SIPA1L3: variants seen among roughly 807,000 people sequenced by gnomAD.
SIPA1L3 encodes signal induced proliferation associated 1 like 3, also known as signal-induced proliferation-associated 1-like protein 3.
SIPA1L3 carries 59 observed loss-of-function variants against 150.1 expected under a neutral mutation model. The observed-to-expected ratio is 0.39, with a 90% CI of 0.32 to 0.49. The LOEUF is 0.49. SIPA1L3 is among the 20% of genes least tolerant of loss of function. SIPA1L3 has a pLI of 0.86. For missense variants in SIPA1L3, 2,211 were observed against 2,489.5 expected, an observed-to-expected ratio of 0.89 and a Z score of 2.38; for synonymous variants, 1,070 against 1,077.6, an observed-to-expected ratio of 0.99 and a Z score of 0.14.
Position 38,110,225 on chromosome 19 carries a change from A to T in SIPA1L3, c.2134-2A>T, listed in dbSNP as rs1970707370. On this transcript the variant is annotated splice_acceptor_variant, in intron 7 of 21. Transcript: ENST00000222345. LOFTEE classifies it high-confidence loss of function. ...CTGTCCCCCTCTGTTGCCCTTTCCC[A>T]GCTGCTACGGAAGAGGCACATAGGA... is the stretch of plus-strand genomic sequence containing the variant. 1 of 1,613,828 alleles carries T rather than the reference A, an allele frequency of 6.2e-7. No homozygotes were observed. Among genetic ancestry groups the T allele is most frequent in the Non-Finnish European group, 8.5e-7 (1 of 1,179,838 alleles).
At chr19:38,086,514 C>T (rs1448401602) in intron 3 of SIPA1L3, among the ~76,000 whole-genome samples, 1 of 151,940 alleles carries the variant, frequency 6.6e-6, no homozygotes. Context: ...ATAGTGAGAC[C>T]TCAAAAAAAG....
chr19:38,027,071 C>T (rs576502222), intron 1 of SIPA1L3, among the ~76,000 whole-genome samples: 5 of 152,240 alleles, frequency 3.3e-5, no homozygotes, highest in South Asian at 2.1e-4. Context: ...GTGGGCGGAT[C>T]GCTTGAGGCC....
chr19:38,150,473 C>T (rs1292807184), intron 12 of SIPA1L3, among the ~76,000 whole-genome samples: 1 of 151,988 alleles, frequency 6.6e-6, no homozygotes. Flanking sequence ...CTACCAGATC[C>T]TCCCAAGTTG....
At chr19:38,026,641 T>C (rs1294343259) in intron 1 of SIPA1L3, among the ~76,000 whole-genome samples, 1 of 152,142 alleles carries the variant, frequency 6.6e-6, no homozygotes, top group African/African-American at 2.4e-5. Flanking sequence ...CACTCCCCAG[T>C]TGTTCTTTTC....
At chr19:38,203,189 A>G (rs927142309) in intron 20 of SIPA1L3, among the ~76,000 whole-genome samples, 3 of 152,172 alleles carry the variant, frequency 2.0e-5, no homozygotes, top group Admixed American at 2.0e-4. Flanking sequence ...ACAAGAAATC[A>G]GCAGTTCCAG....
rs975083424 is a variant in SIPA1L3, at chr19:38,164,742, C to A, written c.4044C>A (p.Arg1348=). ...PGSMGLCGGG[R]EAAGRSHHAD... Reference sequence around the variant, plus strand: ...GTATGGGCCTTTGTGGCGGGGGTCGCGAGGCCGCTGGGAGGTCCCACCACG... The same window carrying A: ...GTATGGGCCTTTGTGGCGGGGGTCGAGAGGCCGCTGGGAGGTCCCACCACG... Residue 1348 remains arginine (R), a synonymous_variant, in exon 15 of 22, where the codon CGC becomes CGA. Transcript: ENST00000222345. The surrounding 1 kb of genome is among the most constrained non-coding windows in gnomAD (Gnocchi z 4.1). 1.2e-6 allele frequency: 2 copies of A among 1,612,880 alleles called. No homozygotes were observed. The highest frequency in any genetic ancestry group is 1.7e-4 in the Middle Eastern group (1 of 6,054).
intron 1 of SIPA1L3, among the ~76,000 whole-genome samples, chr19:37,925,168 C>G (rs2046491866): frequency 6.6e-6 from 1 of 152,124 alleles, no homozygotes; most frequent in Non-Finnish European, 1.5e-5. Context: ...GTGAATAATG[C>G]ATGGCTCTCC....
At chr19:37,935,914 TCTATCCTGG>T (rs747883711) in intron 1 of SIPA1L3, among the ~76,000 whole-genome samples, 8 of 152,156 alleles carry the variant, frequency 5.3e-5, no homozygotes, top group Non-Finnish European at 7.3e-5. Context: ...TGGGCACCTT[TCTATCCTGG>T]CTACCATGGG....
At chr19:37,935,955 G>A (rs997585660) in intron 1 of SIPA1L3, among the ~76,000 whole-genome samples, 7 of 152,122 alleles carry the variant, frequency 4.6e-5, no homozygotes, top group Non-Finnish European at 8.8e-5. Flanking sequence ...CATGTAAGAA[G>A]TGCAGAGCTC....
At chr19:38,005,111 C>A (rs1967909132) in intron 1 of SIPA1L3, among the ~76,000 whole-genome samples, 1 of 151,290 alleles carries the variant, frequency 6.6e-6, no homozygotes, top group Non-Finnish European at 1.5e-5. Flanking sequence ...CCCGGCCAAT[C>A]AGCTACAGGC....
chr19:38,184,336 G>A (rs976890858), intron 16 of SIPA1L3: 1 of 152,200 alleles, frequency 6.6e-6, no homozygotes, highest in Non-Finnish European at 1.5e-5. Context: ...GCGCCACCAA[G>A]CCCGGCTAAT....
rs746646989 is a variant in SIPA1L3 at position 38,088,887 on chromosome 19, C to T, written c.1665+36C>T. 9 of 1,603,986 alleles carry T rather than the reference C, an allele frequency of 5.6e-6. No individual in the cohort carries two copies. In the South Asian group the frequency reaches 8.8e-5, roughly 16 times the overall value. On this transcript the variant is annotated intron_variant, in intron 4 of 21. Transcript: ENST00000222345. ...TCACTCTCGTTCTTATTAAAGAAAT[C>T]ATAGCCACTCACATCTCGAGCCAGG...
intron 1 of SIPA1L3, among the ~76,000 whole-genome samples, chr19:37,940,135 G>A (rs1047049834): frequency 2.6e-5 from 4 of 151,998 alleles, no homozygotes; most frequent in African/African-American, 9.7e-5. Context: ...AATAAAGGAG[G>A]CTGGGCATAG....
chr19:38,182,793 TC>T, intron 16 of SIPA1L3, 53 bp downstream of exon 16: 1 of 1,427,320 alleles, frequency 7.0e-7, no homozygotes, highest in South Asian at 1.2e-5. Context: ...CCAGGGCGTC[TC>T]CGGGGCGGAA....
At chr19:38,163,305 C>G (rs1406636309) in intron 14 of SIPA1L3, among the ~76,000 whole-genome samples, 13 of 151,994 alleles carry the variant, frequency 8.6e-5, no homozygotes, top group Admixed American at 8.5e-4. Flanking sequence ...GCCTGGGCAA[C>G]CTAGTAAAAC....
rs1156984085 is a variant in SIPA1L3 at position 38,206,501 on chromosome 19, T to TAA, written c.*262_*263insAA. On this transcript the variant is annotated 3_prime_UTR_variant, in exon 22 of 22. Transcript: ENST00000222345. ...TGGTCCCGGTGAGCTGGGCTGTGCT[T>TAA]ACACCGCTCCCGGGCCTGCCCCGCT... 1 of 409,158 alleles carries TAA rather than the reference T, an allele frequency of 2.4e-6. No homozygotes were observed. Among genetic ancestry groups the TAA allele is most frequent in the Non-Finnish European group, 4.4e-6 (1 of 229,536 alleles). 25.3% of individuals were successfully genotyped at this position (409,158 alleles called of 1,614,324 possible).
chr19:38,129,564 G>A (rs1232056815), intron 9 of SIPA1L3, among the ~76,000 whole-genome samples: 1 of 150,644 alleles, frequency 6.6e-6, no homozygotes, highest in African/African-American at 2.4e-5. Flanking sequence ...GGCGGAGGTT[G>A]CAGTGAGCCG....
chr19:37,951,675 G>A (rs1298983804), intron 1 of SIPA1L3, among the ~76,000 whole-genome samples: 1 of 151,942 alleles, frequency 6.6e-6, no homozygotes, highest in African/African-American at 2.4e-5. Context: ...GAGGTGGGCG[G>A]ATCACGAGGT....
chr19:38,040,147 C>T (rs145870847), intron 2 of SIPA1L3, among the ~76,000 whole-genome samples: 343 of 152,214 alleles, frequency 2.3e-3, no homozygotes, highest in African/African-American at 8.0e-3. Flanking sequence ...CAAAATGTTC[C>T]GTATATCCTC....
Sources: allele counts gnomAD v4.1 joint callset (sites outside exome capture counted in the v4.1 genomes callset), GRCh38; gene constraint gnomAD v4.1.1; non-coding constraint Gnocchi (gnomAD v3.1); transcripts MANE v1.5; gene names NCBI Gene and HGNC (gene_info 2026-07-23, HGNC 2026-07-21).